ASCC1: variants seen among roughly 807,000 people sequenced by gnomAD.
ASCC1 encodes activating signal cointegrator 1 complex subunit 1.
A neutral mutation model predicts 46.6 loss-of-function variants in ASCC1; 35 were observed. The observed-to-expected ratio is 0.75, with a 90% CI of 0.57 to 0.99. The LOEUF (loss-of-function observed/expected upper bound fraction) is 0.99, where lower values mean the gene tolerates loss of function less well. Ranked by LOEUF, ASCC1 falls within the 50% of genes least tolerant of loss-of-function variation. The probability of loss-of-function intolerance (pLI) is 0.00; values close to 1 mark genes in which losing one functional copy is unlikely to be tolerated. For missense variants in ASCC1, 376 were observed against 428.7 expected, an observed-to-expected ratio of 0.88 and a Z score of 1.09; for synonymous variants, 143 against 146.6, an observed-to-expected ratio of 0.98 and a Z score of 0.18.
chr10:72,184,644 G>T (rs925088563), intron 5 of ASCC1, among the ~76,000 whole-genome samples: 1 of 151,984 alleles, frequency 6.6e-6, no homozygotes, highest in Non-Finnish European at 1.5e-5. Context: ...AGAAATAGAT[G>T]AATCCACAGT....
intron 5 of ASCC1, among the ~76,000 whole-genome samples, chr10:72,183,446 A>G (rs1342219188): frequency 6.6e-6 from 1 of 152,078 alleles, no homozygotes; most frequent in African/African-American, 2.4e-5. Flanking sequence ...GCTTGAGCCC[A>G]GAGAAGTTTG....
At chr10:72,126,901 A>T (rs1844924082) in intron 9 of ASCC1, among the ~76,000 whole-genome samples, 1 of 152,236 alleles carries the variant, frequency 6.6e-6, no homozygotes, top group Non-Finnish European at 1.5e-5. Context: ...TATCAAGGAA[A>T]GGAAGGACTC....
At chr10:72,216,739 A>G, upstream of ASCC1, 2 of 441,732 alleles carry the variant, frequency 4.5e-6, no homozygotes, top group Non-Finnish European at 9.1e-6. Flanking sequence ...ATGTTTAAGC[A>G]TCTTAGCTCG....
intron 8 of ASCC1, among the ~76,000 whole-genome samples, chr10:72,129,040 A>G (rs533668186): frequency 6.6e-6 from 1 of 152,320 alleles, no homozygotes; most frequent in Admixed American, 6.5e-5. Flanking sequence ...ATAAGTAAGG[A>G]GGGTACTAGG....
intron 7 of ASCC1, among the ~76,000 whole-genome samples, chr10:72,139,008 CAGAT>C (rs1322416990): frequency 6.6e-6 from 1 of 152,064 alleles, no homozygotes; most frequent in African/African-American, 2.4e-5. Flanking sequence ...AATGAATTCA[CAGAT>C]AGCAAATATT....
intron 3 of ASCC1, among the ~76,000 whole-genome samples, 170 bp downstream of exon 3, chr10:72,210,562 G>C (rs144071168): frequency 6.6e-6 from 1 of 152,152 alleles, no homozygotes; most frequent in Non-Finnish European, 1.5e-5. Context: ...GATACATGTG[G>C]AACAATGAAA....
chr10:72,173,956 G>A (rs1223572365), intron 5 of ASCC1, among the ~76,000 whole-genome samples: 1 of 152,236 alleles, frequency 6.6e-6, no homozygotes, highest in Admixed American at 6.5e-5. Flanking sequence ...CCACCCAGCA[G>A]GGAGAAGCAA....
rs917563728 is a variant in ASCC1, at chr10:72,191,326, A to G, written c.489+5485T>C. Among the ~76,000 whole-genome samples, 6 of 151,688 alleles carry G rather than the reference A, an allele frequency of 4.0e-5. No individual in the cohort carries two copies. The East Asian group carries it at 9.8e-4, about 25-fold the overall frequency. ...GTGATCCACCCACCTCGGCCTCCCA[A>G]AGTGCTGGGATTACAGGCATGAGCC... On this transcript the variant is annotated intron_variant, in intron 5 of 9. Coordinates refer to ENST00000672957, the MANE Select transcript of ASCC1 (RefSeq NM_001198800.3).
intron 3 of ASCC1, among the ~76,000 whole-genome samples, chr10:72,205,740 A>G (rs113239189): frequency 0.14 from 21,433 of 151,890 alleles, 4,309 homozygotes; most frequent in African/African-American, 0.44. Context: ...GGGTTGCAGT[A>G]AGCAGAGATC....
intron 5 of ASCC1, among the ~76,000 whole-genome samples, chr10:72,177,296 ACAACTAT>A (rs1251002204): frequency 6.6e-6 from 1 of 152,182 alleles, no homozygotes; most frequent in Non-Finnish European, 1.5e-5. Flanking sequence ...ACAACCAAAG[ACAACTAT>A]CCCATCTTCA....
chr10:72,195,139 GTTTTTTTTTT>G (rs142672810), intron 5 of ASCC1, among the ~76,000 whole-genome samples: 2 of 61,034 alleles, frequency 3.3e-5, no homozygotes, highest in African/African-American at 6.5e-5. Context: ...TTTTTGCTGT[GTTTTTTTTTT>G]TTTTTTTTTT....
intron 7 of ASCC1, among the ~76,000 whole-genome samples, chr10:72,144,003 C>CT (rs889715141): frequency 5.4e-4 from 79 of 147,410 alleles, no homozygotes; most frequent in Middle Eastern, 3.5e-3. Flanking sequence ...TTCTTTCTTT[C>CT]TTTTTTTTTT....
chr10:72,113,675 C>G (rs1843171543), intron 9 of ASCC1, among the ~76,000 whole-genome samples: 1 of 152,210 alleles, frequency 6.6e-6, no homozygotes, highest in South Asian at 2.1e-4. Flanking sequence ...CAAACTGAAG[C>G]ATTTCAAACT....
At chr10:72,122,968 GCTT>G (rs1844389912) in intron 9 of ASCC1, among the ~76,000 whole-genome samples, 4 of 152,078 alleles carry the variant, frequency 2.6e-5, no homozygotes, top group Admixed American at 2.6e-4. Context: ...AATAATCTAA[GCTT>G]CTTCCTTAGG....
intron 5 of ASCC1, among the ~76,000 whole-genome samples, chr10:72,195,667 T>A (rs1402139238): frequency 1.3e-5 from 2 of 151,792 alleles, no homozygotes; most frequent in Non-Finnish European, 2.9e-5. Context: ...AAACCCTGTC[T>A]CTACTGAAAA....
intron 6 of ASCC1, among the ~76,000 whole-genome samples, chr10:72,156,173 A>G (rs972610077): frequency 6.6e-6 from 1 of 152,152 alleles, no homozygotes; most frequent in African/African-American, 2.4e-5. Context: ...CTGAGTTCAC[A>G]CAAAATCTAC....
intron 4 of ASCC1, among the ~76,000 whole-genome samples, chr10:72,197,467 C>CAAA (rs59460393): frequency 4.3e-4 from 22 of 51,378 alleles, no homozygotes; most frequent in African/African-American, 1.3e-3. Context: ...GACTCTATCT[C>CAAA]AAAAAAAAAA....
At chr10:72,208,951 T>G (rs1354673816) in intron 3 of ASCC1, among the ~76,000 whole-genome samples, 5 of 151,796 alleles carry the variant, frequency 3.3e-5, no homozygotes. Flanking sequence ...ACTGCTTGAG[T>G]TCCAGAGTTC....
chr10:72,109,663 T>G (rs1211392941), intron 9 of ASCC1, among the ~76,000 whole-genome samples: 1 of 152,202 alleles, frequency 6.6e-6, no homozygotes, highest in East Asian at 1.9e-4. Context: ...CCAAATGACC[T>G]ATTAGAGGAT....
Sources: allele counts gnomAD v4.1 joint callset (sites outside exome capture counted in the v4.1 genomes callset), GRCh38; gene constraint gnomAD v4.1.1; transcripts MANE v1.5; gene names NCBI Gene and HGNC (gene_info 2026-07-23, HGNC 2026-07-21).